The following SBF2 variants were observed in gnomAD, a reference collection of about 807,000 sequenced individuals.
The protein encoded by SBF2 is myotubularin-related protein 13.
A neutral mutation model predicts 225.2 loss-of-function variants in SBF2; 112 were observed. The observed-to-expected ratio is 0.50, with a 90% CI of 0.43 to 0.58. The LOEUF is 0.58. Ranked by LOEUF, SBF2 falls within the 20% of genes least tolerant of loss-of-function variation. SBF2 has a pLI of 0.00. For synonymous variants in SBF2, 763 were observed against 773.3 expected (o/e 0.99, Z 0.22); for missense variants, 1,996 against 2,206.2 (o/e 0.90, Z 1.91).
At chr11:10,089,589 C>A (rs529098642) in intron 2 of SBF2, among the ~76,000 whole-genome samples, 2 of 152,162 alleles carry the variant, frequency 1.3e-5, no homozygotes, top group Non-Finnish European at 1.5e-5. Flanking sequence ...TTTAGTACCT[C>A]TTGTAAACAA....
At chr11:9,787,607 G>A (rs758218778) in intron 36 of SBF2, 27 bp downstream of exon 36, 3 of 1,583,220 alleles carry the variant, frequency 1.9e-6, no homozygotes, top group Non-Finnish European at 2.6e-6. Flanking sequence ...GCTCAGAAGT[G>A]GCTCTCAAGG....
intron 1 of SBF2, among the ~76,000 whole-genome samples, chr11:10,257,040 G>A (rs777699970): frequency 2.6e-5 from 4 of 152,022 alleles, no homozygotes; most frequent in Admixed American, 1.3e-4. Context: ...TATTCACCAC[G>A]TCAGGCACTG....
chr11:10,270,268 TTAC>T (rs956441793), intron 1 of SBF2, among the ~76,000 whole-genome samples: 3 of 152,102 alleles, frequency 2.0e-5, no homozygotes, highest in African/African-American at 7.2e-5. Context: ...CCAAAAAACT[TTAC>T]TACTAATAGC....
At chr11:10,156,442 G>A (rs1197004033) in intron 2 of SBF2, among the ~76,000 whole-genome samples, 1 of 152,212 alleles carries the variant, frequency 6.6e-6, no homozygotes, top group African/African-American at 2.4e-5. Flanking sequence ...CCGGTCCTCG[G>A]TGAAACCCCC....
chr11:10,279,249 T>C (rs557356641), intron 1 of SBF2, among the ~76,000 whole-genome samples: 21 of 150,668 alleles, frequency 1.4e-4, no homozygotes, highest in African/African-American at 4.6e-4. Context: ...CCATCTCTAC[T>C]AAAAATACAA....
intron 13 of SBF2, among the ~76,000 whole-genome samples, chr11:9,973,947 C>T (rs1046775124): frequency 2.6e-5 from 4 of 152,154 alleles, no homozygotes; most frequent in African/African-American, 7.2e-5. Flanking sequence ...ATTTAACGTG[C>T]ACAAATTATA....
At chr11:10,229,144 T>C (rs567909251) in intron 1 of SBF2, among the ~76,000 whole-genome samples, 4 of 152,294 alleles carry the variant, frequency 2.6e-5, no homozygotes, top group Non-Finnish European at 5.9e-5. Context: ...TTTGTATTTC[T>C]GTGGGATAGG....
chr11:9,923,771 A>C (rs371961976), intron 16 of SBF2, among the ~76,000 whole-genome samples: 8 of 152,132 alleles, frequency 5.3e-5, no homozygotes, highest in African/African-American at 1.9e-4. Context: ...TACCCTTTTA[A>C]AAAAAGAATC....
At chr11:9,793,148 T>C (rs1403129372) in intron 33 of SBF2, among the ~76,000 whole-genome samples, 1 of 152,144 alleles carries the variant, frequency 6.6e-6, no homozygotes, top group African/African-American at 2.4e-5. Context: ...ATAATCATGA[T>C]AATCTTTCAA....
At chr11:10,240,124 C>T (rs975403455) in intron 1 of SBF2, among the ~76,000 whole-genome samples, 5 of 151,938 alleles carry the variant, frequency 3.3e-5, no homozygotes, top group African/African-American at 1.2e-4. Flanking sequence ...AGACAAAAGT[C>T]CCCAAAAGTA....
intron 36 of SBF2, among the ~76,000 whole-genome samples, chr11:9,785,614 C>G (rs1454146810): frequency 1.3e-5 from 2 of 152,136 alleles, no homozygotes; most frequent in African/African-American, 4.8e-5. Context: ...GTAATCCTAG[C>G]ACTTTGGGAG....
At chr11:10,072,890 AATTATTATTATT>A (rs58223002) in intron 2 of SBF2, among the ~76,000 whole-genome samples, 1 of 148,556 alleles carries the variant, frequency 6.7e-6, no homozygotes, top group African/African-American at 2.5e-5. Context: ...ACATATGGCT[AATTATTATTATT>A]ATTATTATTA....
chr11:10,037,012 T>C (rs1250801255), intron 3 of SBF2, among the ~76,000 whole-genome samples: 2 of 152,192 alleles, frequency 1.3e-5, no homozygotes, highest in Non-Finnish European at 2.9e-5. Flanking sequence ...CCTGTTGTTT[T>C]AAAGTCTTAT....
At chr11:10,137,111 C>T (rs192993439) in intron 2 of SBF2, among the ~76,000 whole-genome samples, 131 of 152,198 alleles carry the variant, frequency 8.6e-4, no homozygotes, top group Non-Finnish European at 1.3e-3. Context: ...CATATAAGTC[C>T]TGTATGTGTT....
chr11:9,882,668 G>A (rs767695224), intron 17 of SBF2, among the ~76,000 whole-genome samples: 66 of 151,898 alleles, frequency 4.3e-4, no homozygotes, highest in Admixed American at 2.3e-3. Context: ...TTAGCTGGGC[G>A]CGGTGGCAGG....
chr11:10,085,399 G>A (rs1251772931), intron 2 of SBF2, among the ~76,000 whole-genome samples: 4 of 151,704 alleles, frequency 2.6e-5, no homozygotes, highest in South Asian at 2.1e-4. Context: ...AGGACTATCC[G>A]GAATTTTCTC....
intron 6 of SBF2, among the ~76,000 whole-genome samples, chr11:10,004,574 T>TAAAAAAA (rs763688115): frequency 4.4e-4 from 38 of 85,510 alleles, no homozygotes; most frequent in South Asian, 1.6e-3. Flanking sequence ...CTACAAAAAT[T>TAAAAAAA]AAAAAAAAAA....
intron 17 of SBF2, 73 bp from the exon 18 acceptor site, chr11:9,858,469 C>T: frequency 7.1e-7 from 1 of 1,417,820 alleles, no homozygotes; most frequent in Non-Finnish European, 1.0e-6. Context: ...ACAGGGGCCA[C>T]AGTTAATCAT....
At position 9,795,821 on chromosome 11, in the gene SBF2, A is replaced by G. The variant is rs1457369945; in HGVS notation, c.4570+10T>C. Reference sequence around the variant, plus strand: ...CAAAAAAGATGAAACAAGGGCATACAGACACATACCGTGCTCTAATCTTTC... The same window carrying G: ...CAAAAAAGATGAAACAAGGGCATACGGACACATACCGTGCTCTAATCTTTC... On this transcript the variant is annotated intron_variant, in intron 33 of 39. Transcript: ENST00000256190. 1 of 1,613,292 alleles carries G rather than the reference A, an allele frequency of 6.2e-7. No individual in the cohort carries two copies. The highest frequency in any genetic ancestry group is 8.5e-7 in the Non-Finnish European group (1 of 1,179,654).
Sources: gnomAD v4.1 joint callset for allele counts (sites outside exome capture counted in the v4.1 genomes callset) on GRCh38, gnomAD v4.1.1 for gene constraint, MANE v1.5 for transcripts, NCBI Gene and HGNC (gene_info 2026-07-23, HGNC 2026-07-21) for gene names.